The following SEZ6L variants were observed in gnomAD, a reference collection of about 807,000 sequenced individuals.
The protein encoded by SEZ6L is seizure related 6 homolog like, also known as seizure 6-like protein.
In SEZ6L, 37 loss-of-function variants were observed where a neutral mutation model predicts 106.2. The ratio of observed to expected loss-of-function variants is 0.35; its 90% CI spans 0.27 to 0.46. The LOEUF (loss-of-function observed/expected upper bound fraction) is 0.46. Ranked by LOEUF, SEZ6L falls within the 20% of genes least tolerant of loss-of-function variation. SEZ6L has a pLI of 1.00. For synonymous variants in SEZ6L, 541 were observed against 570.4 expected (o/e 0.95, Z 0.73); for missense variants, 1,172 against 1,332.8 (o/e 0.88, Z 1.88).
At chr22:26,197,430 G>A (rs1003478837) in intron 1 of SEZ6L, among the ~76,000 whole-genome samples, 3 of 152,292 alleles carry the variant, frequency 2.0e-5, no homozygotes, top group Middle Eastern at 3.4e-3. Flanking sequence ...CCCGAGCCTG[G>A]TCTTACTGGG....
intron 1 of SEZ6L, among the ~76,000 whole-genome samples, chr22:26,236,510 A>G (rs2078962439): frequency 6.6e-6 from 1 of 152,194 alleles, no homozygotes; most frequent in Non-Finnish European, 1.5e-5. Flanking sequence ...AACAGGAGAT[A>G]GTCAAACTTT....
intron 1 of SEZ6L, among the ~76,000 whole-genome samples, chr22:26,198,493 A>T (rs1345646144): frequency 6.6e-6 from 1 of 152,246 alleles, no homozygotes; most frequent in Non-Finnish European, 1.5e-5. Flanking sequence ...ACCAGGAAGT[A>T]TCTTGGTTAG....
At chr22:26,304,435 A>G (rs2081573471) in intron 5 of SEZ6L, among the ~76,000 whole-genome samples, 1 of 151,712 alleles carries the variant, frequency 6.6e-6, no homozygotes, top group Admixed American at 6.6e-5. Flanking sequence ...AAAGAAAAAG[A>G]AAGGAAAGAA....
chr22:26,320,777 G>T (rs1191642161), intron 9 of SEZ6L, among the ~76,000 whole-genome samples: 2 of 152,128 alleles, frequency 1.3e-5, no homozygotes, highest in Non-Finnish European at 2.9e-5. Context: ...CTCAACCAGG[G>T]TCTATCTTGC....
chr22:26,235,229 A>G (rs1174408038), intron 1 of SEZ6L, among the ~76,000 whole-genome samples: 1 of 152,174 alleles, frequency 6.6e-6, no homozygotes, highest in African/African-American at 2.4e-5. Context: ...GTTTAATAGC[A>G]TCCCTGGCCT....
Position 26,289,988 on chromosome 22 carries a change from G to A in SEZ6L, c.95-2418G>A, listed in dbSNP as rs117162218. Among the ~76,000 whole-genome samples the A allele has an allele frequency of 2.8e-4, 43 of 152,308 alleles. No homozygotes were observed. In the East Asian group the frequency reaches 8.1e-3, roughly 29 times the overall value. On this transcript the variant is annotated intron_variant, in intron 1 of 16. Coordinates refer to ENST00000248933, the MANE Select transcript of SEZ6L (RefSeq NM_021115.5). ...CAATGACAAGAGTAAAAACCATGAC[G>A]GCAGCTGGCATTTGCTAAGCACTCA...
At chr22:26,223,159 TG>T (rs2078529934) in intron 1 of SEZ6L, among the ~76,000 whole-genome samples, 2 of 152,314 alleles carry the variant, frequency 1.3e-5, no homozygotes, top group South Asian at 4.2e-4. Flanking sequence ...TTTCCTTAGC[TG>T]TTCTGTCTTC....
In SEZ6L at chr22:26,217,611, G is replaced by A. The variant is rs142214926; in HGVS notation, c.94+47848G>A. Reference sequence around the variant, plus strand: ...TTTAATTAGGTAATGTTAAGTCTCTGCCCATCCAATTTCAATTTCTATGGC... The same window carrying A: ...TTTAATTAGGTAATGTTAAGTCTCTACCCATCCAATTTCAATTTCTATGGC... On this transcript the variant is annotated intron_variant, in intron 1 of 16. Coordinates refer to ENST00000248933, the MANE Select transcript of SEZ6L (RefSeq NM_021115.5). Among the ~76,000 whole-genome samples, 213 of 152,306 alleles carry A rather than the reference G, an allele frequency of 1.4e-3. 1 individual carries two copies. Among genetic ancestry groups the A allele is most frequent in the African/African-American group, 4.4e-3 (181 of 41,562 alleles).
intron 9 of SEZ6L, among the ~76,000 whole-genome samples, chr22:26,324,095 C>A (rs1437139717): frequency 3.3e-5 from 5 of 149,424 alleles, no homozygotes; most frequent in Admixed American, 2.0e-4. Flanking sequence ...CACACACACA[C>A]ACACACAAAC....
intron 9 of SEZ6L, among the ~76,000 whole-genome samples, chr22:26,316,948 G>GA (rs2082022260): frequency 9.6e-6 from 1 of 103,720 alleles, no homozygotes; most frequent in Non-Finnish European, 2.1e-5. Context: ...AAGAAAGAAA[G>GA]GAAGAAAGAA....
intron 1 of SEZ6L, among the ~76,000 whole-genome samples, chr22:26,200,179 A>G (rs925623563): frequency 6.6e-5 from 10 of 151,650 alleles, no homozygotes; most frequent in African/African-American, 1.5e-4. Flanking sequence ...TTTCCTTTTA[A>G]CTTCCCTTCT....
intron 1 of SEZ6L, among the ~76,000 whole-genome samples, chr22:26,283,140 T>C (rs1188040863): frequency 6.6e-6 from 1 of 152,154 alleles, no homozygotes; most frequent in Non-Finnish European, 1.5e-5. Context: ...CAGGCTGGTC[T>C]TCAACTCCTG....
At chr22:26,300,071 A>T (rs1476258001) in intron 5 of SEZ6L, among the ~76,000 whole-genome samples, 9 of 152,106 alleles carry the variant, frequency 5.9e-5, no homozygotes, top group Non-Finnish European at 1.3e-4. Flanking sequence ...TTCCCTGATG[A>T]TTAATGATGT....
At chr22:26,256,926 T>C (rs914194487) in intron 1 of SEZ6L, among the ~76,000 whole-genome samples, 6 of 152,128 alleles carry the variant, frequency 3.9e-5, no homozygotes, top group African/African-American at 1.2e-4. Context: ...AAGTTCAGGT[T>C]AGATTCAAAG....
chr22:26,324,671 AGATCTTCTG>A (rs1237477664), intron 9 of SEZ6L, among the ~76,000 whole-genome samples: 1 of 152,238 alleles, frequency 6.6e-6, no homozygotes, highest in Non-Finnish European at 1.5e-5. Context: ...GGCTGAACTC[AGATCTTCTG>A]GCCCATTAGC....
chr22:26,326,099 C>G (rs572777850), intron 9 of SEZ6L, among the ~76,000 whole-genome samples: 1 of 152,168 alleles, frequency 6.6e-6, no homozygotes, highest in Admixed American at 6.5e-5. Flanking sequence ...CTTGGAAACA[C>G]AAGCACCAGG....
intron 1 of SEZ6L, among the ~76,000 whole-genome samples, chr22:26,180,689 A>T (rs1416803422): frequency 6.6e-6 from 1 of 152,186 alleles, no homozygotes; most frequent in Non-Finnish European, 1.5e-5. Flanking sequence ...CAGGCATTGA[A>T]AATCAGGTTG....
intron 12 of SEZ6L, among the ~76,000 whole-genome samples, chr22:26,357,463 A>T (rs1051860885): frequency 6.6e-6 from 1 of 151,662 alleles, no homozygotes; most frequent in African/African-American, 2.4e-5. Context: ...CGTCAGCACC[A>T]CCTCCTCCAG....
intron 1 of SEZ6L, chr22:26,242,659 C>G (rs1040734045): frequency 6.6e-6 from 1 of 152,146 alleles, no homozygotes; most frequent in Non-Finnish European, 1.5e-5. Context: ...ATGCTGGGGC[C>G]TCGGATTAAC....
Sources: gnomAD v4.1 joint callset for allele counts (sites outside exome capture counted in the v4.1 genomes callset) on GRCh38, gnomAD v4.1.1 for gene constraint, MANE v1.5 for transcripts, NCBI Gene and HGNC (gene_info 2026-07-23, HGNC 2026-07-21) for gene names.